BICC1: variants seen among roughly 807,000 people sequenced by gnomAD.
BICC1 encodes the protein BicC family RNA binding protein 1, also known as protein bicaudal C homolog 1.
BICC1 carries 43 observed loss-of-function variants against 111.0 expected under a neutral mutation model. The observed-to-expected ratio is 0.39, with a 90% CI of 0.30 to 0.50. The LOEUF is 0.50. BICC1 is among the 20% of genes least tolerant of loss of function. BICC1 has a pLI of 0.88. For synonymous variants in BICC1, 467 were observed against 434.4 expected (o/e 1.07, Z -0.93); for missense variants, 1,091 against 1,203.2 (o/e 0.91, Z 1.38).
At chr10:58,761,097 A>G (rs1006922464) in intron 3 of BICC1, among the ~76,000 whole-genome samples, 5 of 152,076 alleles carry the variant, frequency 3.3e-5, no homozygotes, top group Non-Finnish European at 7.4e-5. Context: ...GACTCAAGTG[A>G]TCTGCCTGCC....
At chr10:58,725,549 G>C (rs575510354) in intron 3 of BICC1, among the ~76,000 whole-genome samples, 38 of 152,310 alleles carry the variant, frequency 2.5e-4, no homozygotes, top group Admixed American at 2.4e-3. Context: ...CACCGCTAGA[G>C]TGAACATACC....
rs1335294349 is a variant in BICC1, at chr10:58,601,171, T to G, written c.191-19684T>G. On this transcript the variant is annotated intron_variant, in intron 1 of 20. Transcript: ENST00000373886. ...ATATATATATATATATATATATATA[T>G]CTCCCAATAAAATTTGGAAAATAAA... Among the ~76,000 whole-genome samples, 8 of 133,858 alleles carry G rather than the reference T, an allele frequency of 6.0e-5. No individual in the cohort carries two copies. In the South Asian group the frequency reaches 2.0e-3, roughly 33 times the overall value. The allele number at this position is 133,858 out of a possible 152,430, so 87.8% of individuals were successfully genotyped here. A position where few individuals can be genotyped will look rare whatever the true frequency, so the allele number is the denominator to read the frequency against.
At chr10:58,552,018 A>G (rs1045214882) in intron 1 of BICC1, among the ~76,000 whole-genome samples, 5 of 151,950 alleles carry the variant, frequency 3.3e-5, no homozygotes, top group Non-Finnish European at 7.4e-5. Context: ...ATGAACATCA[A>G]GCAGATTTTA....
intron 3 of BICC1, among the ~76,000 whole-genome samples, chr10:58,725,341 TCCC>T (rs1307013877): frequency 2.0e-5 from 3 of 152,054 alleles, no homozygotes; most frequent in African/African-American, 7.2e-5. Context: ...CTACTACAAT[TCCC>T]AACTGCAGAC....
intron 1 of BICC1, among the ~76,000 whole-genome samples, chr10:58,583,959 C>T (rs912031039): frequency 3.3e-5 from 5 of 151,988 alleles, no homozygotes; most frequent in Non-Finnish European, 7.4e-5. Flanking sequence ...TGAGCCACTG[C>T]ACCTGGCCAC....
At chr10:58,527,049 T>G (rs192245270) in intron 1 of BICC1, among the ~76,000 whole-genome samples, 72 of 152,192 alleles carry the variant, frequency 4.7e-4, no homozygotes, top group African/African-American at 1.4e-3. Context: ...CACCAACGGT[T>G]TAAAAGTGTT....
chr10:58,739,264 C>G (rs868516384), intron 3 of BICC1, among the ~76,000 whole-genome samples: 86 of 152,170 alleles, frequency 5.7e-4, no homozygotes, highest in African/African-American at 1.7e-3. Flanking sequence ...CCATCAATAC[C>G]TAATTTATTG....
At chr10:58,619,946 G>T (rs1845746960) in intron 1 of BICC1, among the ~76,000 whole-genome samples, 2 of 152,072 alleles carry the variant, frequency 1.3e-5, no homozygotes. Flanking sequence ...GGTTTACCGT[G>T]GTCTTCCAGA....
chr10:58,787,962 CT>C (rs2132802814), intron 5 of BICC1, among the ~76,000 whole-genome samples: 1 of 151,912 alleles, frequency 6.6e-6, no homozygotes, highest in African/African-American at 2.4e-5. Flanking sequence ...TGTGTACCAT[CT>C]GGTATGGAAA....
At chr10:58,643,166 A>G (rs930365437) in intron 2 of BICC1, among the ~76,000 whole-genome samples, 12 of 152,214 alleles carry the variant, frequency 7.9e-5, no homozygotes, top group Non-Finnish European at 1.6e-4. Flanking sequence ...AAACTGGGGA[A>G]TTGAAATCCC....
chr10:58,740,177 C>T (rs893672375), intron 3 of BICC1, among the ~76,000 whole-genome samples: 2 of 152,074 alleles, frequency 1.3e-5, no homozygotes, highest in Non-Finnish European at 2.9e-5. Flanking sequence ...GCACTAGGCT[C>T]CCAGGGAATG....
Position 58,536,274 on chromosome 10 carries a change from C to T in BICC1, c.190+22941C>T, listed in dbSNP as rs191987136. Among the ~76,000 whole-genome samples, 473 of 151,854 alleles carry T rather than the reference C, an allele frequency of 3.1e-3. 2 individuals carry two copies. The highest frequency in any genetic ancestry group is 4.8e-3 in the Non-Finnish European group (326 of 67,790). On this transcript the variant is annotated intron_variant, in intron 1 of 20. Coordinates refer to ENST00000373886, the MANE Select transcript of BICC1 (RefSeq NM_001080512.3). ...AACTACCCAAGAACTGCAGAATATA[C>T]ATTCTTCTTATCAGCACATGGAACA...
At chr10:58,715,572 C>T (rs146283694) in intron 3 of BICC1, 44 of 1,565,602 alleles carry the variant, frequency 2.8e-5, no homozygotes, top group Middle Eastern at 1.7e-4. Context: ...GCGGGACAAT[C>T]GGGTGGCCTA....
chr10:58,704,535 A>G (rs1285885127), intron 3 of BICC1, among the ~76,000 whole-genome samples: 1 of 152,208 alleles, frequency 6.6e-6, no homozygotes, highest in Non-Finnish European at 1.5e-5. Flanking sequence ...GTGAAATGAA[A>G]ATGGCAGGAA....
In BICC1 at chr10:58,790,339, A is replaced by G. The variant is rs1843139305; in HGVS notation, c.1047+406A>G. 2.0e-5 allele frequency among the ~76,000 whole-genome samples: 3 copies of G among 152,176 alleles called. No individual in the cohort carries two copies. The South Asian group carries it at 6.2e-4, about 32-fold the overall frequency. ...GTAAAAATACTATTTAAATTTCACC[A>G]TCAAAGACAAATTTTGTCAGCCCAA... On this transcript the variant is annotated intron_variant, in intron 8 of 20. Transcript: ENST00000373886.
intron 1 of BICC1, among the ~76,000 whole-genome samples, chr10:58,523,544 G>A (rs1056818071): frequency 1.3e-5 from 2 of 152,088 alleles, no homozygotes; most frequent in Non-Finnish European, 2.9e-5. Context: ...GGTATTGATG[G>A]GACGTATCTC....
chr10:58,622,923 A>T (rs1273868057), intron 2 of BICC1, among the ~76,000 whole-genome samples: 1 of 152,230 alleles, frequency 6.6e-6, no homozygotes, highest in African/African-American at 2.4e-5. Context: ...AAAATAATGC[A>T]AATATGAAGG....
intron 19 of BICC1, among the ~76,000 whole-genome samples, chr10:58,819,270 GA>G (rs1259126709): frequency 3.3e-5 from 5 of 152,112 alleles, no homozygotes; most frequent in Non-Finnish European, 7.4e-5. Flanking sequence ...CTCTATTATA[GA>G]ATTTCTGAAA....
At chr10:58,780,311 C>T (rs1021156102) in intron 3 of BICC1, among the ~76,000 whole-genome samples, 7 of 152,082 alleles carry the variant, frequency 4.6e-5, no homozygotes, top group Non-Finnish European at 8.8e-5. Context: ...AACTCTGATA[C>T]GATAACTTTT....
Sources: allele counts gnomAD v4.1 joint callset (sites outside exome capture counted in the v4.1 genomes callset), GRCh38; gene constraint gnomAD v4.1.1; transcripts MANE v1.5; gene names NCBI Gene and HGNC (gene_info 2026-07-23, HGNC 2026-07-21).